The following PLEKHA5 variants were observed in gnomAD, a reference collection of about 807,000 sequenced individuals.
PLEKHA5 encodes pleckstrin homology domain containing A5.
In PLEKHA5, 55 loss-of-function variants were observed where a neutral mutation model predicts 181.9. That is an observed-to-expected ratio of 0.30 (90% CI 0.24 to 0.38). PLEKHA5 has a LOEUF of 0.38. Ranked by LOEUF, PLEKHA5 falls within the 10% of genes least tolerant of loss-of-function variation. The pLI, the probability that PLEKHA5 is intolerant of heterozygous loss-of-function variation, is 1.00. For missense variants in PLEKHA5, 1,432 were observed against 1,549.5 expected, an observed-to-expected ratio of 0.92 and a Z score of 1.27; for synonymous variants, 535 against 529.4, an observed-to-expected ratio of 1.01 and a Z score of -0.15.
At chr12:19,172,102 T>A (rs965286908) in intron 3 of PLEKHA5, among the ~76,000 whole-genome samples, 1 of 152,240 alleles carries the variant, frequency 6.6e-6, no homozygotes, top group African/African-American at 2.4e-5. Context: ...GGTAAATACA[T>A]AAGCCATTAA....
chr12:19,274,401 T>C, intron 10 of PLEKHA5, 115 bp from the exon 11 acceptor site: 3 of 674,388 alleles, frequency 4.4e-6, no homozygotes, highest in Middle Eastern at 4.1e-4. Context: ...ACTGTGACCC[T>C]TTCCAGTCCC....
At chr12:19,149,521 AAAG>A (rs2039853951) in intron 3 of PLEKHA5, 3 of 151,148 alleles carry the variant, frequency 2.0e-5, no homozygotes, top group African/African-American at 5.0e-5. Flanking sequence ...AAAAAAAAAA[AAAG>A]AAAAGAAAAA....
intron 15 of PLEKHA5, chr12:19,307,137 T>A: frequency 1.2e-6 from 1 of 841,858 alleles, no homozygotes; most frequent in South Asian, 1.3e-5. Context: ...TAGCTGCTGG[T>A]CTTGTTTCAC....
chr12:19,357,096 C>A (rs1051979198), intron 26 of PLEKHA5, among the ~76,000 whole-genome samples: 11 of 152,060 alleles, frequency 7.2e-5, no homozygotes, highest in Admixed American at 5.9e-4. Flanking sequence ...ACGTTTTCAT[C>A]AAAATAAAAG....
At chr12:19,250,186 C>T (rs1250199685) in intron 3 of PLEKHA5, among the ~76,000 whole-genome samples, 2 of 152,190 alleles carry the variant, frequency 1.3e-5, no homozygotes, top group Non-Finnish European at 2.9e-5. Context: ...TAGGTAAACA[C>T]TGGCATTGTA....
At chr12:19,137,699 G>A (rs913987742) in intron 3 of PLEKHA5, among the ~76,000 whole-genome samples, 28 of 152,076 alleles carry the variant, frequency 1.8e-4, no homozygotes, top group African/African-American at 6.0e-4. Flanking sequence ...TTTCAAGTTG[G>A]TGTGCCAGGA....
intron 3 of PLEKHA5, among the ~76,000 whole-genome samples, chr12:19,140,991 C>T (rs1282735466): frequency 1.3e-5 from 2 of 152,072 alleles, no homozygotes; most frequent in Non-Finnish European, 2.9e-5. Context: ...GGGAGTTTCA[C>T]CATGTTTGGC....
intron 3 of PLEKHA5, among the ~76,000 whole-genome samples, chr12:19,230,660 C>A (rs1023960377): frequency 1.3e-5 from 2 of 152,164 alleles, no homozygotes; most frequent in African/African-American, 4.8e-5. Context: ...GAGTGCGGCC[C>A]GCGGAGCCTG....
chr12:19,326,387 C>T (rs1432103669), intron 20 of PLEKHA5, among the ~76,000 whole-genome samples: 1 of 152,084 alleles, frequency 6.6e-6, no homozygotes, highest in Non-Finnish European at 1.5e-5. Context: ...TTCACTGAAT[C>T]TTTCACAGTC....
At chr12:19,352,076 C>CAAAAA (rs1188985121) in intron 25 of PLEKHA5, among the ~76,000 whole-genome samples, 3 of 39,852 alleles carry the variant, frequency 7.5e-5, no homozygotes, top group Admixed American at 3.0e-4. Context: ...AACTCCATCT[C>CAAAAA]AAAAAAAAAA....
intron 15 of PLEKHA5, among the ~76,000 whole-genome samples, chr12:19,296,693 G>A (rs2079901020): frequency 6.6e-6 from 1 of 152,088 alleles, no homozygotes; most frequent in African/African-American, 2.4e-5. Context: ...CTAGTTCTTG[G>A]CTCCTGTAGC....
At chr12:19,313,028 A>G (rs2087125982) in intron 15 of PLEKHA5, among the ~76,000 whole-genome samples, 1 of 152,186 alleles carries the variant, frequency 6.6e-6, no homozygotes, top group African/African-American at 2.4e-5. Flanking sequence ...GCCCAAGGAA[A>G]GGAAGAGAGA....
chr12:19,213,105 T>G (rs1467301363), intron 3 of PLEKHA5, among the ~76,000 whole-genome samples: 2 of 152,094 alleles, frequency 1.3e-5, no homozygotes, highest in African/African-American at 4.8e-5. Context: ...GTGACCTAAA[T>G]CTTCAAAGAA....
At chr12:19,366,451 A>G (rs1177083646) in intron 30 of PLEKHA5, among the ~76,000 whole-genome samples, 1 of 152,098 alleles carries the variant, frequency 6.6e-6, no homozygotes, top group Non-Finnish European at 1.5e-5. Context: ...TCAGGGGTTC[A>G]AGACCAGCCT....
chr12:19,216,692 C>G (rs2058038702), intron 3 of PLEKHA5, among the ~76,000 whole-genome samples: 1 of 151,232 alleles, frequency 6.6e-6, no homozygotes. Context: ...CTGTTAAGGG[C>G]AGAGCCTAGA....
Position 19,212,971 on chromosome 12 carries a change from T to A in PLEKHA5, c.228-40969T>A, listed in dbSNP as rs77595621. Among the ~76,000 whole-genome samples the A allele has an allele frequency of 2.0e-5, 3 of 152,144 alleles. No homozygotes were observed. The East Asian group carries it at 5.8e-4, about 30-fold the overall frequency. ...GTTTTCAGTCTTGTTCCAGTACCTA[T>A]ACTAGATTTCCAAGAATTCAGACAA... On this transcript the variant is annotated intron_variant, in intron 3 of 31. Transcript: ENST00000429027.
intron 21 of PLEKHA5, among the ~76,000 whole-genome samples, chr12:19,341,532 C>T (rs1307695337): frequency 6.6e-6 from 1 of 151,976 alleles, no homozygotes; most frequent in East Asian, 1.9e-4. Flanking sequence ...TTGGCTCTTG[C>T]ATGGGTACTT....
chr12:19,306,120 A>G (rs903029187), intron 15 of PLEKHA5, among the ~76,000 whole-genome samples: 1 of 152,154 alleles, frequency 6.6e-6, no homozygotes, highest in Admixed American at 6.5e-5. Flanking sequence ...ACAGACCTCA[A>G]AACTGCTGAA....
At chr12:19,359,657 A>C (rs773902092) in intron 28 of PLEKHA5, 111 bp downstream of exon 28, 15 of 1,094,630 alleles carry the variant, frequency 1.4e-5, no homozygotes, top group Non-Finnish European at 2.0e-5. Flanking sequence ...GAGTCCATAG[A>C]GCTAAATGAA....
Sources: allele counts gnomAD v4.1 joint callset (sites outside exome capture counted in the v4.1 genomes callset), GRCh38; gene constraint gnomAD v4.1.1; transcripts MANE v1.5; gene names NCBI Gene and HGNC (gene_info 2026-07-23, HGNC 2026-07-21).